The following OTUD7A variants were observed in gnomAD, a reference collection of about 807,000 sequenced individuals.
OTUD7A encodes OTU deubiquitinase 7A, also known as OTU domain-containing protein 7A.
Under a neutral mutation model 65.7 loss-of-function variants are expected in OTUD7A, and 12 were observed. That is an observed-to-expected ratio of 0.18 (90% CI 0.12 to 0.30). OTUD7A has a LOEUF of 0.30. OTUD7A is among the 10% of genes least tolerant of loss of function. The probability of loss-of-function intolerance (pLI) is 1.00; values close to 1 mark genes in which losing one functional copy is unlikely to be tolerated. For synonymous variants in OTUD7A, 641 were observed against 586.3 expected, an observed-to-expected ratio of 1.09 and a Z score of -1.35; for missense variants, 1,148 against 1,304.8, an observed-to-expected ratio of 0.88 and a Z score of 1.85.
intron 1 of OTUD7A, among the ~76,000 whole-genome samples, chr15:31,665,181 T>C (rs1473229330): frequency 3.3e-5 from 5 of 152,232 alleles, no homozygotes; most frequent in Non-Finnish European, 5.9e-5. Flanking sequence ...AATTGCTGTT[T>C]CTAATTCTGT....
intron 1 of OTUD7A, among the ~76,000 whole-genome samples, chr15:31,852,184 T>G (rs1897445710): frequency 6.6e-6 from 1 of 152,162 alleles, no homozygotes; most frequent in Non-Finnish European, 1.5e-5. Flanking sequence ...CAAGGTAGAC[T>G]TTTTGCCAGC....
chr15:31,812,002 G>C (rs759056353), intron 1 of OTUD7A, among the ~76,000 whole-genome samples: 17 of 152,212 alleles, frequency 1.1e-4, no homozygotes, highest in Non-Finnish European at 2.2e-4. Flanking sequence ...GCTGGTCACT[G>C]CTGCCTTGCT....
chr15:31,651,895 T>A (rs1287575861), intron 3 of OTUD7A, among the ~76,000 whole-genome samples: 1 of 148,848 alleles, frequency 6.7e-6, no homozygotes, highest in Admixed American at 6.8e-5. Context: ...CTGAAAGACA[T>A]AACATAGGAT....
intron 5 of OTUD7A, chr15:31,558,625 T>C (rs189944447): frequency 1.4e-4 from 45 of 313,902 alleles, no homozygotes; most frequent in Non-Finnish European, 1.4e-4. Flanking sequence ...GCCCATGGTC[T>C]TTCCTATCTT....
intron 1 of OTUD7A, among the ~76,000 whole-genome samples, chr15:31,848,101 C>G (rs1451840634): frequency 6.6e-6 from 1 of 152,172 alleles, no homozygotes; most frequent in African/African-American, 2.4e-5. Context: ...AGTGAGGTCC[C>G]TAACTGCAGA....
rs2041169318 is a variant in OTUD7A, at chr15:31,483,489, C to T, written c.2607G>A (p.Leu869=). 7.1e-7 allele frequency: 1 copy of T among 1,399,192 alleles called. No individual in the cohort carries two copies. The highest frequency in any genetic ancestry group is 9.3e-7 in the Non-Finnish European group (1 of 1,075,400). The allele number at this position is 1,399,192 out of a possible 1,614,324, so 86.7% of individuals were successfully genotyped here. A position where few individuals can be genotyped will look rare whatever the true frequency, so the allele number is the denominator to read the frequency against. The change falls in exon 13 of 13, where the codon CTG becomes CTA. Residue 869 remains leucine (L), a synonymous_variant. Transcript: ENST00000307050. ...TCGGCGCGTCGGCGTCGGCGAACTC[C>T]AGGCCGTCGCGCAGGGCGCCGAAGC... ...TNGFGALRDG[L]EFADADAPTA...
intron 1 of OTUD7A, among the ~76,000 whole-genome samples, chr15:31,863,119 T>A (rs1289118400): frequency 6.6e-6 from 1 of 152,174 alleles, no homozygotes; most frequent in Non-Finnish European, 1.5e-5. Context: ...ACGCTGATGC[T>A]AGAGATGGAT....
chr15:31,700,929 G>C (rs369260632), intron 1 of OTUD7A, among the ~76,000 whole-genome samples: 26,839 of 151,528 alleles, frequency 0.18, 3,107 homozygotes, highest in Middle Eastern at 0.33. Context: ...CATATCAATA[G>C]CATGTGCACC....
chr15:31,741,150 C>T (rs1474990382), intron 1 of OTUD7A, among the ~76,000 whole-genome samples: 1 of 152,024 alleles, frequency 6.6e-6, no homozygotes, highest in African/African-American at 2.4e-5. Flanking sequence ...TCATACAGAC[C>T]AAGTTTTCTG....
intron 1 of OTUD7A, among the ~76,000 whole-genome samples, chr15:31,760,123 C>A (rs1894921993): frequency 6.6e-6 from 1 of 152,194 alleles, no homozygotes; most frequent in Admixed American, 6.5e-5. Context: ...GCTACCTACT[C>A]CACACAGTGG....
intron 1 of OTUD7A, among the ~76,000 whole-genome samples, chr15:31,866,405 T>C (rs1186041623): frequency 6.6e-6 from 1 of 152,220 alleles, no homozygotes; most frequent in East Asian, 1.9e-4. Context: ...AGGCAAGTAA[T>C]AAGGCAGCGT....
At chr15:31,505,836 A>G (rs955814459) in intron 8 of OTUD7A, among the ~76,000 whole-genome samples, 4 of 148,260 alleles carry the variant, frequency 2.7e-5, no homozygotes, top group South Asian at 4.3e-4. Flanking sequence ...TGCAAGCTCC[A>G]CCTCCCGGGT....
intron 1 of OTUD7A, among the ~76,000 whole-genome samples, chr15:31,735,717 C>A (rs760781451): frequency 6.6e-6 from 1 of 152,160 alleles, no homozygotes; most frequent in Admixed American, 6.5e-5. Context: ...TGGGTATATA[C>A]CCAAAGCACT....
At chr15:31,735,367 A>C (rs1200768179) in intron 1 of OTUD7A, among the ~76,000 whole-genome samples, 2 of 152,116 alleles carry the variant, frequency 1.3e-5, no homozygotes, top group African/African-American at 4.8e-5. Context: ...CTCTACTAAA[A>C]ATACAAAAAA....
chr15:31,720,203 G>C (rs1390968775), intron 1 of OTUD7A, among the ~76,000 whole-genome samples: 6 of 150,430 alleles, frequency 4.0e-5, no homozygotes, highest in Admixed American at 4.0e-4. Context: ...CGGTGAATTG[G>C]CCATATTGTA....
intron 5 of OTUD7A, among the ~76,000 whole-genome samples, chr15:31,554,320 G>C (rs562715193): frequency 1.3e-5 from 2 of 152,304 alleles, no homozygotes; most frequent in African/African-American, 4.8e-5. Flanking sequence ...CCCAGACCTG[G>C]ATGGGGCATT....
intron 4 of OTUD7A, 143 bp downstream of exon 4, chr15:31,569,875 T>C: frequency 1.2e-6 from 1 of 802,066 alleles, no homozygotes; most frequent in East Asian, 2.7e-5. Flanking sequence ...TTCGGCATAG[T>C]GTGAGAAAGA....
rs143117792 is a variant in OTUD7A at position 31,731,099 on chromosome 15, G to A, written c.-99-74022C>T. 6.6e-5 allele frequency among the ~76,000 whole-genome samples: 10 copies of A among 152,336 alleles called. No homozygotes were observed. The East Asian group carries it at 1.5e-3, about 24-fold the overall frequency. On this transcript the variant is annotated intron_variant, in intron 1 of 12. Transcript: ENST00000307050. ...ACTCCTGGGATAATGCATTTGTGGC[G>A]TAATCTGTTTTGTTATAACTGTTTG... is the stretch of plus-strand genomic sequence containing the variant.
At chr15:31,720,410 T>G (rs1893702950) in intron 1 of OTUD7A, among the ~76,000 whole-genome samples, 1 of 151,730 alleles carries the variant, frequency 6.6e-6, no homozygotes, top group South Asian at 2.1e-4. Context: ...CATTTTTTTT[T>G]TTTTTTTTTG....
Sources: gnomAD v4.1 joint callset for allele counts (sites outside exome capture counted in the v4.1 genomes callset) on GRCh38, gnomAD v4.1.1 for gene constraint, MANE v1.5 for transcripts, NCBI Gene and HGNC (gene_info 2026-07-23, HGNC 2026-07-21) for gene names.